The following SCARA5 variants were observed in gnomAD, a reference collection of about 807,000 sequenced individuals.
SCARA5 encodes scavenger receptor class A member 5, also known as scavenger receptor class A, member 5 (putative).
SCARA5 carries 45 observed loss-of-function variants against 46.3 expected under a neutral mutation model. That is an observed-to-expected ratio of 0.97 (90% CI 0.76 to 1.24). The LOEUF is 1.24. Ranked by LOEUF, SCARA5 falls within the 50% of genes most tolerant of loss-of-function variation. The pLI is 0.00. For synonymous variants in SCARA5, 333 were observed against 306.5 expected, an observed-to-expected ratio of 1.09 and a Z score of -0.90; for missense variants, 680 against 689.0, an observed-to-expected ratio of 0.99 and a Z score of 0.15.
intron 7 of SCARA5, among the ~76,000 whole-genome samples, chr8:27,883,151 T>C (rs1314802415): frequency 2.6e-5 from 4 of 152,170 alleles, no homozygotes; most frequent in African/African-American, 9.7e-5. Context: ...CTGGAGGAAA[T>C]GAAAAATCAA....
intron 3 of SCARA5, among the ~76,000 whole-genome samples, chr8:27,952,683 A>C (rs1160516296): frequency 6.6e-6 from 1 of 152,158 alleles, no homozygotes; most frequent in East Asian, 1.9e-4. Context: ...ACATATACCC[A>C]CTTTGACAGC....
rs1224026831 is a variant in SCARA5, at chr8:27,892,605, C to CTTTT, written c.1153+12172_1153+12173insAAAA. Among the ~76,000 whole-genome samples the CTTTT allele has an allele frequency of 2.7e-4, 32 of 119,788 alleles. 10 individuals are homozygous for CTTTT. The highest frequency in any genetic ancestry group is 6.0e-4 in the South Asian group (2 of 3,332). The allele number at this position is 119,788 out of a possible 152,430, so 78.6% of individuals were successfully genotyped here. On this transcript the variant is annotated intron_variant, in intron 7 of 8. Transcript: ENST00000354914. Reference sequence around the variant, plus strand: ...CAGAAGTGACCTCTCCATACCTCACCCTTTTTTTTTTTTTTTTTTTTTGAG... The same window carrying CTTTT: ...CAGAAGTGACCTCTCCATACCTCACCTTTTCTTTTTTTTTTTTTTTTTTTTTGAG...
At chr8:27,930,667 G>A (rs1430505980) in intron 3 of SCARA5, among the ~76,000 whole-genome samples, 1 of 152,208 alleles carries the variant, frequency 6.6e-6, no homozygotes, top group Admixed American at 6.5e-5. Flanking sequence ...CACCCAAAGT[G>A]CTGGGATTAC....
chr8:27,895,879 C>T (rs73237384), intron 7 of SCARA5, among the ~76,000 whole-genome samples: 8,651 of 152,302 alleles, frequency 0.057, 328 homozygotes, highest in Non-Finnish European at 0.084. Flanking sequence ...TTGCTCTGAT[C>T]TTGCTATTCC....
At chr8:27,931,276 T>C (rs1362985584) in intron 3 of SCARA5, among the ~76,000 whole-genome samples, 1 of 152,202 alleles carries the variant, frequency 6.6e-6, no homozygotes, top group Admixed American at 6.5e-5. Flanking sequence ...TTTAATTCTC[T>C]GCTGTCGCTC....
intron 3 of SCARA5, among the ~76,000 whole-genome samples, chr8:27,944,209 C>G (rs1807997002): frequency 6.6e-6 from 1 of 152,166 alleles, no homozygotes; most frequent in Non-Finnish European, 1.5e-5. Context: ...GGATTGGATC[C>G]TGCATCAGGA....
At chr8:27,969,090 GC>G (rs1449951363) in intron 2 of SCARA5, among the ~76,000 whole-genome samples, 2 of 152,188 alleles carry the variant, frequency 1.3e-5, no homozygotes, top group African/African-American at 2.4e-5. Context: ...ATCTGGCAAG[GC>G]CCTTAGAGAA....
chr8:27,907,078 C>T (rs1002334712), intron 6 of SCARA5, 70 bp downstream of exon 6: 9 of 1,072,878 alleles, frequency 8.4e-6, no homozygotes, highest in Non-Finnish European at 1.3e-5. Context: ...AGTCCTGGTC[C>T]CCCATGCCAA....
At chr8:27,912,089 C>T (rs367579603) in intron 4 of SCARA5, among the ~76,000 whole-genome samples, 22 of 152,262 alleles carry the variant, frequency 1.4e-4, no homozygotes, top group East Asian at 3.9e-4. Flanking sequence ...TTTCAGACTT[C>T]GAGTCTCCAG....
intron 2 of SCARA5, among the ~76,000 whole-genome samples, chr8:27,967,519 G>A (rs774960643): frequency 9.9e-5 from 15 of 152,112 alleles, no homozygotes; most frequent in African/African-American, 2.7e-4. Flanking sequence ...TGGGGGCGGC[G>A]GGGGGACGGC....
At chr8:27,959,375 G>A (rs754838561) in intron 3 of SCARA5, among the ~76,000 whole-genome samples, 1 of 152,232 alleles carries the variant, frequency 6.6e-6, no homozygotes. Flanking sequence ...CCTGGAGCCT[G>A]TTGGGAGGAT....
At chr8:27,970,973 G>A (rs1243117358) in intron 2 of SCARA5, among the ~76,000 whole-genome samples, 5 of 151,988 alleles carry the variant, frequency 3.3e-5, no homozygotes, top group South Asian at 2.1e-4. Flanking sequence ...TTTCTTATGC[G>A]GCAATAGATA....
intron 2 of SCARA5, among the ~76,000 whole-genome samples, chr8:27,969,961 G>A (rs2685397): frequency 0.54 from 82,151 of 151,506 alleles, 22,401 homozygotes; most frequent in South Asian, 0.66. Context: ...TAGCCCCCAC[G>A]ATCCCAGCAC....
rs115587149 is a variant in SCARA5, at chr8:27,982,191, G to A, written c.112+5313C>T. 9.8e-3 allele frequency among the ~76,000 whole-genome samples: 1,486 copies of A among 152,166 alleles called. 30 individuals carry two copies. The highest frequency in any genetic ancestry group is 0.034 in the African/African-American group (1,409 of 41,486). On this transcript the variant is annotated intron_variant, in intron 2 of 8. Coordinates refer to ENST00000354914, the MANE Select transcript of SCARA5 (RefSeq NM_173833.6). ...GAGTGGAGGGGGCTGGGGCCGTGGG[G>A]GCGAATGGGACTGCAGTATTTTTCT... is the stretch of plus-strand genomic sequence containing the variant.
intron 6 of SCARA5, 137 bp from the exon 7 acceptor site, chr8:27,904,971 C>T: frequency 1.3e-6 from 1 of 754,652 alleles, no homozygotes; most frequent in Non-Finnish European, 2.2e-6. Flanking sequence ...GAGAGCCCAG[C>T]AGGCAGGAGA....
At chr8:27,887,939 A>G (rs1806923229) in intron 7 of SCARA5, among the ~76,000 whole-genome samples, 1 of 152,252 alleles carries the variant, frequency 6.6e-6, no homozygotes, top group Non-Finnish European at 1.5e-5. Flanking sequence ...ACATCTTAAC[A>G]TATGTCCCTG....
At chr8:27,880,353 A>T (rs1806791470) in intron 7 of SCARA5, among the ~76,000 whole-genome samples, 1 of 151,518 alleles carries the variant, frequency 6.6e-6, no homozygotes, top group Non-Finnish European at 1.5e-5. Context: ...TGACAAGTGG[A>T]CGAGTGGGAA....
chr8:27,925,468 A>G (rs888226300), intron 3 of SCARA5, among the ~76,000 whole-genome samples: 3 of 152,170 alleles, frequency 2.0e-5, no homozygotes, highest in Non-Finnish European at 2.9e-5. Context: ...CCTTCCTTAC[A>G]CCTTATACAA....
chr8:27,958,032 G>A (rs1808232357), intron 3 of SCARA5, among the ~76,000 whole-genome samples: 1 of 152,208 alleles, frequency 6.6e-6, no homozygotes, highest in Non-Finnish European at 1.5e-5. Context: ...ATAAAAACAG[G>A]TGGTGGCTGG....
Sources: allele counts gnomAD v4.1 joint callset (sites outside exome capture counted in the v4.1 genomes callset), GRCh38; gene constraint gnomAD v4.1.1; transcripts MANE v1.5; gene names NCBI Gene and HGNC (gene_info 2026-07-23, HGNC 2026-07-21).